The following SGK3 variants were observed in gnomAD, a reference collection of about 807,000 sequenced individuals.
The protein encoded by SGK3 is serum/glucocorticoid regulated kinase family member 3, also known as serine/threonine-protein kinase Sgk3.
A neutral mutation model predicts 68.5 loss-of-function variants in SGK3; 47 were observed. That is an observed-to-expected ratio of 0.69 (90% CI 0.54 to 0.87). SGK3 has a LOEUF of 0.87. SGK3 is among the 40% of genes least tolerant of loss of function. The probability of loss-of-function intolerance (pLI) is 0.00; values close to 1 mark genes in which losing one functional copy is unlikely to be tolerated. For synonymous variants in SGK3, 181 were observed against 189.1 expected, an observed-to-expected ratio of 0.96 and a Z score of 0.35; for missense variants, 479 against 575.5, an observed-to-expected ratio of 0.83 and a Z score of 1.72.
intron 1 of SGK3, among the ~76,000 whole-genome samples, chr8:66,746,912 C>T (rs1805670546): frequency 6.6e-6 from 1 of 151,970 alleles, no homozygotes; most frequent in African/African-American, 2.4e-5. Context: ...TTCTTCTACT[C>T]AGGGCTGTTG....
chr8:66,766,020 G>A (rs1284133329), intron 1 of SGK3, among the ~76,000 whole-genome samples: 2 of 140,070 alleles, frequency 1.4e-5, no homozygotes, highest in East Asian at 2.0e-4. Flanking sequence ...GCAATACTCC[G>A]TCAAAAAAAA....
At chr8:66,848,709 A>G (rs1810138995) in intron 15 of SGK3, among the ~76,000 whole-genome samples, 1 of 152,108 alleles carries the variant, frequency 6.6e-6, no homozygotes, top group African/African-American at 2.4e-5. Context: ...GGTTCCTTCC[A>G]GTCAGTAATT....
chr8:66,722,993 T>C (rs905868461), intron 1 of SGK3, among the ~76,000 whole-genome samples: 4 of 149,810 alleles, frequency 2.7e-5, no homozygotes, highest in African/African-American at 7.4e-5. Flanking sequence ...ATCTCCACCA[T>C]TGGAGATTAC....
chr8:66,719,318 T>G (rs1676453126), intron 1 of SGK3, among the ~76,000 whole-genome samples: 3 of 151,664 alleles, frequency 2.0e-5, no homozygotes, highest in Admixed American at 2.0e-4. Flanking sequence ...TTTCTTTTAT[T>G]TGTTTGTTTG....
chr8:66,838,311 G>GA (rs1809623932), intron 10 of SGK3, among the ~76,000 whole-genome samples: 2 of 152,030 alleles, frequency 1.3e-5, no homozygotes, highest in Non-Finnish European at 2.9e-5. Context: ...TGATCCACCC[G>GA]CCTCAGCCTC....
chr8:66,785,373 G>T (rs1023099031), intron 1 of SGK3, among the ~76,000 whole-genome samples: 1 of 152,178 alleles, frequency 6.6e-6, no homozygotes, highest in Non-Finnish European at 1.5e-5. Flanking sequence ...TACCTCAGAG[G>T]TTGCTATGAG....
At chr8:66,844,780 C>T (rs1444038546) in intron 14 of SGK3, among the ~76,000 whole-genome samples, 1 of 152,194 alleles carries the variant, frequency 6.6e-6, no homozygotes, top group African/African-American at 2.4e-5. Context: ...ACATGAAGTA[C>T]ATTTCAGAGC....
chr8:66,730,365 G>T (rs966557056), intron 1 of SGK3, among the ~76,000 whole-genome samples: 3 of 151,998 alleles, frequency 2.0e-5, no homozygotes, highest in East Asian at 3.9e-4. Context: ...CCTTATGAGA[G>T]ATATAATTTA....
At chr8:66,814,775 G>A (rs1400985872) in intron 5 of SGK3, among the ~76,000 whole-genome samples, 1 of 152,218 alleles carries the variant, frequency 6.6e-6, no homozygotes, top group Non-Finnish European at 1.5e-5. Flanking sequence ...GTAGCTCCCA[G>A]CTAGGAAGAT....
At chr8:66,737,109 G>C (rs1034172855) in intron 1 of SGK3, 15 of 150,318 alleles carry the variant, frequency 1.0e-4, no homozygotes, top group Non-Finnish European at 2.1e-4. Flanking sequence ...TTTTACAGGC[G>C]TGAGCCACCA....
At chr8:66,823,224 G>GTCTTC (rs1359256038) in intron 6 of SGK3, among the ~76,000 whole-genome samples, 4 of 152,096 alleles carry the variant, frequency 2.6e-5, no homozygotes, top group African/African-American at 9.7e-5. Flanking sequence ...TTGGCCAACA[G>GTCTTC]AAGAGGCCTT....
chr8:66,732,531 A>C (rs1177550700), intron 1 of SGK3, among the ~76,000 whole-genome samples: 1 of 152,150 alleles, frequency 6.6e-6, no homozygotes, highest in Non-Finnish European at 1.5e-5. Context: ...AGCACATATA[A>C]AAATTATTTT....
intron 13 of SGK3, among the ~76,000 whole-genome samples, chr8:66,842,770 GC>G (rs1809847949): frequency 6.6e-6 from 1 of 152,130 alleles, no homozygotes; most frequent in African/African-American, 2.4e-5. Context: ...GATTATAATT[GC>G]TACATTAAGT....
chr8:66,725,204 G>GCACTCCA (rs1289213551), intron 1 of SGK3, among the ~76,000 whole-genome samples: 1 of 152,130 alleles, frequency 6.6e-6, no homozygotes, highest in Admixed American at 6.6e-5. Context: ...ACTCCAGCCT[G>GCACTCCA]GGCGACAGAG....
At chr8:66,732,911 G>A (rs1301386254) in intron 1 of SGK3, among the ~76,000 whole-genome samples, 1 of 152,108 alleles carries the variant, frequency 6.6e-6, no homozygotes, top group African/African-American at 2.4e-5. Context: ...ACATTGCAGT[G>A]ATTTTTCAAA....
Position 66,804,455 on chromosome 8 carries a change from A to G in SGK3, c.253+8A>G, listed in dbSNP as rs1311435975. On this transcript the variant is annotated splice_region_variant and intron_variant, in intron 4 of 16. Transcript: ENST00000521198. ...GTGATAATTTTGATCCAGGTAAGAA[A>G]CAACTTCATAGGCCAGCTATGAAGT... 1.2e-6 allele frequency: 2 copies of G among 1,612,070 alleles called. No individual in the cohort carries two copies. The highest frequency in any genetic ancestry group is 1.7e-6 in the Non-Finnish European group (2 of 1,179,146).
chr8:66,740,783 C>T (rs1368743436), intron 1 of SGK3, among the ~76,000 whole-genome samples: 7 of 151,704 alleles, frequency 4.6e-5, no homozygotes, highest in South Asian at 2.1e-4. Context: ...GGTGCACGCC[C>T]GTAGTCCCAG....
chr8:66,803,590 T>A (rs1386627756), intron 3 of SGK3, among the ~76,000 whole-genome samples: 2 of 152,124 alleles, frequency 1.3e-5, no homozygotes, highest in Non-Finnish European at 2.9e-5. Flanking sequence ...GCCCCAAATT[T>A]AATTTCTTCA....
chr8:66,850,746 T>G, intron 15 of SGK3, 85 bp from the exon 16 acceptor site: 1 of 1,309,710 alleles, frequency 7.6e-7, no homozygotes, highest in South Asian at 1.4e-5. Flanking sequence ...GGCAAAATAG[T>G]AATAGTTTGG....
Sources: gnomAD v4.1 joint callset for allele counts (sites outside exome capture counted in the v4.1 genomes callset) on GRCh38, gnomAD v4.1.1 for gene constraint, MANE v1.5 for transcripts, NCBI Gene and HGNC (gene_info 2026-07-23, HGNC 2026-07-21) for gene names.